GRID2: variants seen among roughly 807,000 people sequenced by gnomAD.
GRID2 encodes glutamate receptor ionotropic, delta-2.
Under a neutral mutation model 114.8 loss-of-function variants are expected in GRID2, and 33 were observed. The observed-to-expected ratio is 0.29, with a 90% CI of 0.22 to 0.38. The LOEUF is 0.38. GRID2 is among the 10% of genes least tolerant of loss of function. The pLI, the probability that GRID2 is intolerant of heterozygous loss-of-function variation, is 1.00. For missense variants in GRID2, 1,184 were observed against 1,257.7 expected (o/e 0.94, Z 0.89); for synonymous variants, 505 against 449.9 (o/e 1.12, Z -1.55).
chr4:92,919,812 G>C (rs975414141), intron 2 of GRID2, among the ~76,000 whole-genome samples: 3 of 152,168 alleles, frequency 2.0e-5, no homozygotes, highest in African/African-American at 7.2e-5. Context: ...GTGGTGCTGA[G>C]AAGAATGTAT....
At chr4:93,697,166 CTG>C (rs2110129171) in intron 14 of GRID2, among the ~76,000 whole-genome samples, 1 of 152,264 alleles carries the variant, frequency 6.6e-6, no homozygotes, top group East Asian at 1.9e-4. Flanking sequence ...TTTAATGTGA[CTG>C]TTTTAATGAA....
chr4:93,213,990 G>A (rs1014672167), intron 5 of GRID2, among the ~76,000 whole-genome samples: 2 of 151,744 alleles, frequency 1.3e-5, no homozygotes, highest in Admixed American at 6.6e-5. Context: ...AAGTTAAGTC[G>A]CTAAAAAATA....
At chr4:92,978,611 C>G (rs1469854959) in intron 2 of GRID2, among the ~76,000 whole-genome samples, 2 of 151,970 alleles carry the variant, frequency 1.3e-5, no homozygotes, top group African/African-American at 4.8e-5. Context: ...AGGTATAAAA[C>G]AAATTATGGA....
chr4:92,666,201 A>G (rs1732766701), intron 2 of GRID2, among the ~76,000 whole-genome samples: 1 of 151,270 alleles, frequency 6.6e-6, no homozygotes, highest in Non-Finnish European at 1.5e-5. Flanking sequence ...TTCAAACAGT[A>G]TAATGCATTT....
chr4:93,144,790 G>T (rs1208979324), intron 4 of GRID2, among the ~76,000 whole-genome samples: 1 of 152,104 alleles, frequency 6.6e-6, no homozygotes, highest in Non-Finnish European at 1.5e-5. Flanking sequence ...CTGAAATGGT[G>T]TACTTTCTGT....
At chr4:93,342,600 AGTGTG>A (rs1325264898) in intron 8 of GRID2, among the ~76,000 whole-genome samples, 1 of 152,150 alleles carries the variant, frequency 6.6e-6, no homozygotes, top group Non-Finnish European at 1.5e-5. Context: ...GGACAAAACA[AGTGTG>A]TGATAAATAA....
At chr4:92,328,483 A>G (rs541668495) in intron 1 of GRID2, among the ~76,000 whole-genome samples, 1 of 152,196 alleles carries the variant, frequency 6.6e-6, no homozygotes, top group East Asian at 1.9e-4. Context: ...TACTCCTACC[A>G]TATTTGCATT....
chr4:93,132,621 T>C (rs1734905203), intron 4 of GRID2, among the ~76,000 whole-genome samples: 1 of 152,198 alleles, frequency 6.6e-6, no homozygotes, highest in Non-Finnish European at 1.5e-5. Flanking sequence ...TGACATATAT[T>C]CACTAATTAT....
chr4:92,822,248 G>A (rs1397739149), intron 2 of GRID2: 2 of 554,162 alleles, frequency 3.6e-6, no homozygotes, highest in Non-Finnish European at 7.1e-6. Context: ...GCATATCAAG[G>A]TGCTTGCCTT....
chr4:93,803,682 A>T (rs1338568290), intron 1 of GRID2, among the ~76,000 whole-genome samples: 2 of 152,170 alleles, frequency 1.3e-5, no homozygotes. Flanking sequence ...AGATTGCCCC[A>T]ACGCACACCA....
chr4:93,028,186 T>C (rs1724056454), intron 2 of GRID2, among the ~76,000 whole-genome samples: 1 of 152,158 alleles, frequency 6.6e-6, no homozygotes, highest in South Asian at 2.1e-4. Flanking sequence ...AAGCTTATAA[T>C]GCAATGAGGA....
intron 2 of GRID2, among the ~76,000 whole-genome samples, chr4:92,648,193 C>T (rs1731742374): frequency 6.7e-6 from 1 of 149,766 alleles, no homozygotes. Flanking sequence ...ATGTCTAATT[C>T]AGTCCCTTTA....
chr4:92,326,007 A>T (rs779476627), intron 1 of GRID2, among the ~76,000 whole-genome samples: 2 of 151,846 alleles, frequency 1.3e-5, no homozygotes, highest in African/African-American at 4.8e-5. Flanking sequence ...ATGTAAGATA[A>T]TTCTACACAT....
chr4:92,495,349 C>A lies in GRID2; in HGVS notation c.89-94782C>A, dbSNP rs577763915. Among the ~76,000 whole-genome samples the A allele has an allele frequency of 3.9e-5, 6 of 151,994 alleles. No individual in the cohort carries two copies. In the South Asian group the frequency reaches 1.2e-3, roughly 32 times the overall value. On this transcript the variant is annotated intron_variant, in intron 1 of 15. Transcript: ENST00000282020. ...TCGCTATGGGGGAATACTCAACATA[C>A]ACAATAGCAACATAGATTCCCTGTT...
At chr4:92,603,327 A>G (rs1455273117) in intron 2 of GRID2, among the ~76,000 whole-genome samples, 2 of 152,168 alleles carry the variant, frequency 1.3e-5, no homozygotes, top group African/African-American at 4.8e-5. Context: ...CCAAAACAGC[A>G]TGGTACTGAC....
chr4:93,001,121 A>G (rs1034137877), intron 2 of GRID2, among the ~76,000 whole-genome samples: 5 of 151,786 alleles, frequency 3.3e-5, no homozygotes, highest in African/African-American at 1.2e-4. Context: ...TATGTCAGCA[A>G]ATACATGTTT....
chr4:93,782,504 T>C (rs112782014), intron 1 of GRID2, among the ~76,000 whole-genome samples: 141 of 152,234 alleles, frequency 9.3e-4, no homozygotes, highest in African/African-American at 3.3e-3. Flanking sequence ...TTAAGAGTAC[T>C]CTAAGAGACT....
chr4:93,297,412 G>GTAAT (rs1754426590), intron 8 of GRID2, among the ~76,000 whole-genome samples: 1 of 152,128 alleles, frequency 6.6e-6, no homozygotes, highest in African/African-American at 2.4e-5. Context: ...TGAAAAAAGA[G>GTAAT]TAATTACTCA....
At chr4:92,584,589 T>C (rs1728335141) in intron 1 of GRID2, among the ~76,000 whole-genome samples, 1 of 152,006 alleles carries the variant, frequency 6.6e-6, no homozygotes, top group Non-Finnish European at 1.5e-5. Flanking sequence ...GTAAAACTAG[T>C]CTTACGATCA....
Sources: allele counts gnomAD v4.1 joint callset (sites outside exome capture counted in the v4.1 genomes callset), GRCh38; gene constraint gnomAD v4.1.1; transcripts MANE v1.5; gene names NCBI Gene and HGNC (gene_info 2026-07-23, HGNC 2026-07-21).